The following CDH15 variants were observed in gnomAD, a reference collection of about 807,000 sequenced individuals.
CDH15 encodes cadherin-15.
A neutral mutation model predicts 69.4 loss-of-function variants in CDH15; 73 were observed. The observed-to-expected ratio is 1.05, with a 90% CI of 0.87 to 1.28. CDH15 has a LOEUF of 1.28. CDH15 is among the 50% of genes most tolerant of loss of function. The pLI, the probability that CDH15 is intolerant of heterozygous loss-of-function variation, is 0.00. For missense variants in CDH15, 1,343 were observed against 1,133.6 expected (o/e 1.18, Z -2.65); for synonymous variants, 624 against 507.7 (o/e 1.23, Z -3.08).
chr16:89,179,357 A>C (rs1368307560), intron 1 of CDH15, 59 bp from the exon 2 acceptor site: 1 of 1,600,976 alleles, frequency 6.2e-7, no homozygotes, highest in Non-Finnish European at 8.5e-7. Context: ...TCCCAGCTGC[A>C]CGCTGCCGCC....
chr16:89,194,709 G>A (rs116487034), intron 13 of CDH15, among the ~76,000 whole-genome samples, 153 bp from the exon 14 acceptor site: 3 of 152,182 alleles, frequency 2.0e-5, no homozygotes, highest in Non-Finnish European at 4.4e-5. Context: ...CCCTCAGGAC[G>A]CTTTGCCTCC....
Position 89,189,792 on chromosome 16 carries a change from C to T in CDH15, c.979-451C>T, listed in dbSNP as rs148656887. Among the ~76,000 whole-genome samples, 103 of 152,342 alleles carry T rather than the reference C, an allele frequency of 6.8e-4. 2 individuals carry two copies. Among genetic ancestry groups the T allele is most frequent in the Non-Finnish European group, 1.3e-3 (91 of 68,030 alleles). ...GTTTACTGCAAGAAATTGGCTCATGCGGTGCTGGGGTCTGGCTGGGCAGGT... is the reference window on the plus strand; with the variant it reads ...GTTTACTGCAAGAAATTGGCTCATGTGGTGCTGGGGTCTGGCTGGGCAGGT... On this transcript the variant is annotated intron_variant, in intron 7 of 13. Coordinates refer to ENST00000289746, the MANE Select transcript of CDH15 (RefSeq NM_004933.3).
chr16:89,190,378 C>G lies in CDH15; in HGVS notation c.1114C>G (p.Pro372Ala), dbSNP rs1235039863. The stretch of plus-strand genomic sequence containing the variant: ...CGTGCATGTGCAGGACACCAACGAG[C>G]CCCCCGTGTTCCAGGAGAACCCACT... Reference protein sequence around the residue: ...VRVHVQDTNEPPVFQENPLRT... With the variant: ...VRVHVQDTNEAPVFQENPLRT... Residue 372 changes from proline to alanine, a missense_variant, in exon 8 of 14, where the codon CCC (proline) becomes GCC (alanine). Transcript: ENST00000289746. 6.2e-7 allele frequency: 1 copy of G among 1,612,842 alleles called. No individual in the cohort carries two copies. The highest frequency in any genetic ancestry group is 1.1e-5 in the South Asian group (1 of 90,994).
Position 89,183,646 on chromosome 16 carries a change from C to G in CDH15, c.456C>G (p.Phe152Leu). The change falls in exon 4 of 14, where the codon TTC (phenylalanine) becomes TTG (leucine). Residue 152 changes from phenylalanine (F) to leucine (L), a missense_variant. By Grantham distance (22) the Phe-to-Leu change is conservative. Coordinates refer to ENST00000289746, the MANE Select transcript of CDH15 (RefSeq NM_004933.3). ...ATCAGAATGACAACCGGCCAGCCTT[C>G]CTGCAGGAGGCGTTCACTGGCCGCG... ...VVDQNDNRPA[F>L]LQEAFTGRVL... 6.2e-7 allele frequency: 1 copy of G among 1,613,484 alleles called. No individual in the cohort carries two copies. Among genetic ancestry groups the G allele is most frequent in the South Asian group, 1.1e-5 (1 of 90,894 alleles).
intron 11 of CDH15, among the ~76,000 whole-genome samples, chr16:89,192,985 T>C (rs1166852157): frequency 1.2e-4 from 6 of 49,254 alleles, no homozygotes; most frequent in African/African-American, 5.6e-4. Flanking sequence ...GCCACGCCGC[T>C]TCCACCCAAC....
chr16:89,180,423 C>T (rs1915351343), intron 3 of CDH15, 68 bp downstream of exon 3: 3 of 1,534,198 alleles, frequency 2.0e-6, no homozygotes, highest in Non-Finnish European at 2.7e-6. Flanking sequence ...GCCCCTCCTC[C>T]CCACCAGGCT....
At chr16:89,183,453 C>T in intron 3 of CDH15, 95 bp from the exon 4 acceptor site, 1 of 1,438,130 alleles carries the variant, frequency 7.0e-7, no homozygotes, top group Non-Finnish European at 9.7e-7. Context: ...CAGCTGGAGA[C>T]AAAGTCTGAA....
At chr16:89,192,059 G>A (rs1915660024) in intron 10 of CDH15, 146 bp from the exon 11 acceptor site, 1 of 1,224,458 alleles carries the variant, frequency 8.2e-7, no homozygotes, top group African/African-American at 1.5e-5. Flanking sequence ...GTGGGGCAGG[G>A]TTACTCATTG....
chr16:89,175,543 CG>C (rs961661027), intron 1 of CDH15, among the ~76,000 whole-genome samples: 31 of 152,142 alleles, frequency 2.0e-4, no homozygotes, highest in Admixed American at 1.2e-3. Flanking sequence ...CACAGGCTCC[CG>C]GGGGGTTGGG....
chr16:89,191,842 G>A lies in CDH15; in HGVS notation c.1563G>A (p.Leu521=). 6.2e-7 allele frequency: 1 copy of A among 1,602,366 alleles called. No individual in the cohort carries two copies. Among genetic ancestry groups the A allele is most frequent in the Non-Finnish European group, 8.5e-7 (1 of 1,178,658 alleles). ...PPHGAPFHFQ[L]SPRLPELGRN... ...ACGGGGCCCCCTTCCACTTCCAGCT[G>A]AGCCCCAGGCTCCCAGAGCTCGGCC... The change falls in exon 10 of 14, where the codon CTG becomes CTA. Residue 521 remains leucine, a synonymous_variant. Transcript: ENST00000289746.
chr16:89,181,054 C>G (rs571650396), intron 3 of CDH15, among the ~76,000 whole-genome samples: 24 of 150,184 alleles, frequency 1.6e-4, no homozygotes, highest in African/African-American at 5.6e-4. Flanking sequence ...ACTGCAATCT[C>G]TACCTCCCCA....
At chr16:89,181,403 A>G (rs1915374572) in intron 3 of CDH15, among the ~76,000 whole-genome samples, 1 of 151,868 alleles carries the variant, frequency 6.6e-6, no homozygotes, top group Non-Finnish European at 1.5e-5. Flanking sequence ...CTTGAAGCCA[A>G]TAGTTCGAGA....
chr16:89,183,249 G>A (rs1290408872), intron 3 of CDH15: 1 of 359,570 alleles, frequency 2.8e-6, no homozygotes, highest in Non-Finnish European at 5.1e-6. Flanking sequence ...GACAGGGAGA[G>A]AGATTAGGAA....
intron 3 of CDH15, among the ~76,000 whole-genome samples, chr16:89,181,810 G>A (rs930929914): frequency 2.0e-5 from 3 of 151,916 alleles, no homozygotes; most frequent in Non-Finnish European, 4.4e-5. Context: ...ATTCTAGCGT[G>A]CGCCTGTAGT....
chr16:89,176,224 C>T (rs1403990640), intron 1 of CDH15, among the ~76,000 whole-genome samples: 3 of 152,276 alleles, frequency 2.0e-5, no homozygotes, highest in Admixed American at 6.5e-5. Context: ...CATGCCCCCA[C>T]GTCCCGGCCC....
chr16:89,193,951 CGCACAGGTGCACACACACAT>C (rs970861718), intron 13 of CDH15, 38 bp downstream of exon 13: 1 of 1,603,752 alleles, frequency 6.2e-7, no homozygotes, highest in African/African-American at 1.3e-5. Context: ...CACACAGGCA[CGCACAGGTGCACACACACAT>C]GCACATGTAC....
At chr16:89,192,498 C>T in intron 11 of CDH15, 54 bp downstream of exon 11, 1 of 1,544,954 alleles carries the variant, frequency 6.5e-7, no homozygotes, top group African/African-American at 1.4e-5. Flanking sequence ...ACCCTCCTCC[C>T]CAGGCCGTCC....
chr16:89,193,375 C>T lies in CDH15; in HGVS notation c.1856-95C>T, dbSNP rs1342930932. The T allele has an allele frequency of 8.1e-5, 41 of 505,244 alleles. No individual in the cohort carries two copies. In the Admixed American group the frequency reaches 1.2e-3, roughly 14 times the overall value. 31.3% of individuals were successfully genotyped at this position (505,244 alleles called of 1,614,324 possible). ...ACCCCACCCCTGCTTACCAGCCTTG[C>T]CCCGCCCCGCCCCCTCCTCCCACCT... On this transcript the variant is annotated intron_variant, in intron 11 of 13. Transcript: ENST00000289746.
chr16:89,171,974 C>A, intron 1 of CDH15, 101 bp downstream of exon 1: 1 of 1,299,014 alleles, frequency 7.7e-7, no homozygotes, highest in Non-Finnish European at 1.1e-6. Context: ...AACCACTGGC[C>A]CTGGTCGCCT....
Sources: gnomAD v4.1 joint callset for allele counts (sites outside exome capture counted in the v4.1 genomes callset) on GRCh38, gnomAD v4.1.1 for gene constraint, MANE v1.5 for transcripts, NCBI Gene and HGNC (gene_info 2026-07-23, HGNC 2026-07-21) for gene names.